GALNT13: variants seen among roughly 807,000 people sequenced by gnomAD.
GALNT13 encodes the protein UDP-GalNAc:polypeptide N-acetylgalactosaminyltransferase 13.
Under a neutral mutation model 64.2 loss-of-function variants are expected in GALNT13, and 28 were observed. The ratio of observed to expected loss-of-function variants is 0.44; its 90% CI spans 0.32 to 0.60. The LOEUF (loss-of-function observed/expected upper bound fraction) is 0.60, where lower values mean the gene tolerates loss of function less well. Ranked by LOEUF, GALNT13 falls within the 20% of genes least tolerant of loss-of-function variation. GALNT13 has a pLI of 0.05. For missense variants in GALNT13, 577 were observed against 669.8 expected, an observed-to-expected ratio of 0.86 and a Z score of 1.53; for synonymous variants, 214 against 224.6, an observed-to-expected ratio of 0.95 and a Z score of 0.42.
intron 9 of GALNT13, among the ~76,000 whole-genome samples, chr2:154,369,276 C>T (rs930882725): frequency 3.3e-5 from 5 of 152,008 alleles, no homozygotes; most frequent in Admixed American, 3.3e-4. Context: ...TGTAAACAGA[C>T]TGGACTAAGT....
chr2:153,949,844 A>G (rs1692040450), intron 3 of GALNT13, among the ~76,000 whole-genome samples: 1 of 152,074 alleles, frequency 6.6e-6, no homozygotes, highest in African/African-American at 2.4e-5. Context: ...CAGGAGAGGC[A>G]CTGCAGATCA....
chr2:153,687,322 C>T, the GALNT13 span, among the ~76,000 whole-genome samples: 2 of 150,948 alleles, frequency 1.3e-5, no homozygotes, highest in African/African-American at 2.4e-5. Flanking sequence ...TTTCAGAGCT[C>T]GTTATTGGTC....
At chr2:154,169,442 G>C (rs1401160650) in intron 4 of GALNT13, among the ~76,000 whole-genome samples, 1 of 152,122 alleles carries the variant, frequency 6.6e-6, no homozygotes, top group East Asian at 1.9e-4. Context: ...CTTGTGAGCA[G>C]GTATTAGCCA....
chr2:153,906,755 A>G (rs2105305778), intron 2 of GALNT13, among the ~76,000 whole-genome samples: 1 of 152,068 alleles, frequency 6.6e-6, no homozygotes, highest in South Asian at 2.1e-4. Context: ...CTTTGGGTAT[A>G]TACCCAGTAA....
chr2:153,398,965 T>C, the GALNT13 span, among the ~76,000 whole-genome samples: 11 of 115,162 alleles, frequency 9.6e-5, no homozygotes, highest in Admixed American at 8.9e-4. Flanking sequence ...TTGTTGCCAT[T>C]GCTTTTGGTG....
chr2:153,555,959 T>G, the GALNT13 span, among the ~76,000 whole-genome samples: 1 of 152,222 alleles, frequency 6.6e-6, no homozygotes, highest in Non-Finnish European at 1.5e-5. Context: ...AAAAATGTGT[T>G]ATGAAAGGAC....
the GALNT13 span, among the ~76,000 whole-genome samples, chr2:153,342,168 A>T: frequency 6.6e-6 from 1 of 152,206 alleles, no homozygotes; most frequent in African/African-American, 2.4e-5. Context: ...GCTTTGACTT[A>T]TTGCCTCTAG....
chr2:153,522,783 A>G, the GALNT13 span, among the ~76,000 whole-genome samples: 4 of 152,036 alleles, frequency 2.6e-5, no homozygotes, highest in African/African-American at 9.7e-5. Flanking sequence ...GTCTTTTCCA[A>G]ATATTTTCTC....
At chr2:154,390,199 A>C (rs990381320) in intron 9 of GALNT13, among the ~76,000 whole-genome samples, 2 of 152,204 alleles carry the variant, frequency 1.3e-5, no homozygotes, top group African/African-American at 2.4e-5. Context: ...TTAATACTAT[A>C]ATGCAATAGA....
the GALNT13 span, among the ~76,000 whole-genome samples, chr2:153,680,452 A>G: frequency 1.3e-5 from 2 of 151,916 alleles, no homozygotes; most frequent in African/African-American, 2.4e-5. Flanking sequence ...GGGAACTAGG[A>G]TCAAATTGGA....
intron 1 of GALNT13, among the ~76,000 whole-genome samples, chr2:153,884,785 A>ATATATATATATATT (rs1450308010): frequency 8.2e-6 from 1 of 122,504 alleles, no homozygotes; most frequent in African/African-American, 3.5e-5. Flanking sequence ...ATATATATAT[A>ATATATATATATATT]TGTGTGTGTA....
chr2:153,963,381 C>T (rs1486833816), intron 3 of GALNT13, among the ~76,000 whole-genome samples: 1 of 152,182 alleles, frequency 6.6e-6, no homozygotes, highest in East Asian at 1.9e-4. Flanking sequence ...AAAGCTGCTA[C>T]ATTCATACAC....
the GALNT13 span, among the ~76,000 whole-genome samples, chr2:153,591,362 A>T: frequency 2.0e-5 from 3 of 152,116 alleles, no homozygotes; most frequent in Non-Finnish European, 4.4e-5. Context: ...AATATCATTA[A>T]AATGACCATA....
chr2:153,488,240 G>A, the GALNT13 span, among the ~76,000 whole-genome samples: 4 of 152,206 alleles, frequency 2.6e-5, no homozygotes, highest in African/African-American at 7.2e-5. Context: ...GCACAGAGAA[G>A]GCACTTCCGC....
intron 2 of GALNT13, among the ~76,000 whole-genome samples, chr2:153,906,826 C>A (rs1254295327): frequency 1.3e-5 from 2 of 151,984 alleles, no homozygotes; most frequent in Admixed American, 1.3e-4. Flanking sequence ...GCCACACTGA[C>A]TTCCACAATG....
At chr2:153,704,772 A>C in the GALNT13 span, among the ~76,000 whole-genome samples, 6 of 152,210 alleles carry the variant, frequency 3.9e-5, no homozygotes, top group Non-Finnish European at 5.9e-5. Context: ...AGTTAGGTTA[A>C]TAGAAACCCA....
At chr2:153,477,805 G>T in the GALNT13 span, 1 of 172,050 alleles carries the variant, frequency 5.8e-6, no homozygotes, top group East Asian at 1.7e-4. Flanking sequence ...GAGACCCCAT[G>T]AGTCTGCTGC....
the GALNT13 span, among the ~76,000 whole-genome samples, chr2:153,170,054 A>G: frequency 6.6e-6 from 1 of 152,222 alleles, no homozygotes; most frequent in African/African-American, 2.4e-5. Context: ...ACTATTATCT[A>G]ATTTATAAAA....
intron 4 of GALNT13, among the ~76,000 whole-genome samples, chr2:154,180,620 C>T (rs1178707872): frequency 6.6e-6 from 1 of 152,044 alleles, no homozygotes; most frequent in Non-Finnish European, 1.5e-5. Context: ...AATCACCATG[C>T]ATAATAAGCG....
Sources: gnomAD v4.1 joint callset for allele counts (sites outside exome capture counted in the v4.1 genomes callset) on GRCh38, gnomAD v4.1.1 for gene constraint, MANE v1.5 for transcripts, NCBI Gene and HGNC (gene_info 2026-07-23, HGNC 2026-07-21) for gene names.